The following ZNF140 variants were observed in gnomAD, a reference collection of about 807,000 sequenced individuals.
ZNF140 encodes zinc finger protein 140, also known as zinc finger protein 140 (clone pHZ-39).
Under a neutral mutation model 12.9 loss-of-function variants are expected in ZNF140, and 13 were observed. That is an observed-to-expected ratio of 1.01 (90% CI 0.66 to 1.60). The LOEUF is 1.60. ZNF140 is among the 40% of genes most tolerant of loss of function. The probability of loss-of-function intolerance (pLI) is 0.00; values close to 1 mark genes in which losing one functional copy is unlikely to be tolerated. For missense variants in ZNF140, 531 were observed against 548.8 expected, an observed-to-expected ratio of 0.97 and a Z score of 0.32; for synonymous variants, 214 against 186.7, an observed-to-expected ratio of 1.15 and a Z score of -1.19.
chr12:133,103,158 G>A (rs1463508298), intron 4 of ZNF140, among the ~76,000 whole-genome samples: 1 of 151,338 alleles, frequency 6.6e-6, no homozygotes, highest in Non-Finnish European at 1.5e-5. Flanking sequence ...CATTTCAAAT[G>A]TGTATCATTT....
At chr12:133,097,133 G>A (rs1426900766) in intron 4 of ZNF140, among the ~76,000 whole-genome samples, 1 of 152,152 alleles carries the variant, frequency 6.6e-6, no homozygotes, top group Non-Finnish European at 1.5e-5. Context: ...TTGCTCTGAA[G>A]TCTGCTGTGT....
chr12:133,088,616 C>T (rs1203482602), intron 4 of ZNF140, among the ~76,000 whole-genome samples: 3 of 152,158 alleles, frequency 2.0e-5, no homozygotes, highest in African/African-American at 7.2e-5. Flanking sequence ...TGGGTAAATA[C>T]CAAGGAGTGT....
chr12:133,102,251 A>C (rs1019084330), intron 4 of ZNF140, among the ~76,000 whole-genome samples: 3 of 152,142 alleles, frequency 2.0e-5, no homozygotes, highest in Non-Finnish European at 4.4e-5. Context: ...AGATCCTTGT[A>C]AGTCAGACTG....
At position 133,080,928 on chromosome 12, in the gene ZNF140, G is replaced by C. The variant is rs748580740; in HGVS notation, c.-193G>C. On this transcript the variant is annotated 5_prime_UTR_variant, in exon 1 of 5. Transcript: ENST00000355557. ...CCTGGGGGGCGGCGCCGAGCGTCTG[G>C]CCTGTGTTGGCTGTAGGCAACGAAA... The C allele has an allele frequency of 1.6e-4, 24 of 154,200 alleles. No individual in the cohort carries two copies. Among genetic ancestry groups the C allele is most frequent in the Non-Finnish European group, 2.5e-4 (17 of 69,026 alleles). The allele number at this position is 154,200 out of a possible 1,614,324, so 9.6% of individuals were successfully genotyped here. A position where few individuals can be genotyped will look rare whatever the true frequency, so the allele number is the denominator to read the frequency against.
chr12:133,093,809 T>C (rs1176388875), intron 4 of ZNF140, among the ~76,000 whole-genome samples: 1 of 150,970 alleles, frequency 6.6e-6, no homozygotes, highest in Non-Finnish European at 1.5e-5. Context: ...CCTCTCTCTC[T>C]CTCTCACACA....
At chr12:133,092,400 C>T (rs1026660182) in intron 4 of ZNF140, among the ~76,000 whole-genome samples, 2 of 151,106 alleles carry the variant, frequency 1.3e-5, no homozygotes, top group African/African-American at 4.9e-5. Flanking sequence ...ATAGTTTGGA[C>T]ATCTGGTTTA....
chr12:133,081,650 G>C (rs1354145813), intron 2 of ZNF140: 11 of 447,502 alleles, frequency 2.5e-5, no homozygotes, highest in South Asian at 1.7e-4. Flanking sequence ...AGAGTGACAG[G>C]AAGCTATCCA....
intron 4 of ZNF140, among the ~76,000 whole-genome samples, chr12:133,090,860 A>AC: frequency 7.6e-6 from 1 of 131,934 alleles, no homozygotes; most frequent in South Asian, 2.5e-4. Context: ...ATGTGCATGT[A>AC]ATCCAGATTT....
In ZNF140 at chr12:133,095,923, T is replaced by A. The variant is rs1030325416; in HGVS notation, c.233-9587T>A. Among the ~76,000 whole-genome samples, 13 of 151,962 alleles carry A rather than the reference T, an allele frequency of 8.6e-5. No homozygotes were observed. The East Asian group carries it at 2.3e-3, about 27-fold the overall frequency. On this transcript the variant is annotated intron_variant, in intron 4 of 4. Coordinates refer to ENST00000355557, the MANE Select transcript of ZNF140 (RefSeq NM_003440.4). ...TGCTACTATCTCAGAATTGAACAAA[T>A]GTACAATCGGGTTTTATACCGAGAC...
intron 2 of ZNF140, 44 bp downstream of exon 2, chr12:133,081,373 A>AAAAT (rs1555291988): frequency 3.0e-5 from 7 of 229,828 alleles, no homozygotes; most frequent in Admixed American, 7.4e-5. Context: ...ATATATATAA[A>AAAAT]TTTTTATTTT....
At chr12:133,098,197 G>A (rs1955209892) in intron 4 of ZNF140, among the ~76,000 whole-genome samples, 1 of 152,006 alleles carries the variant, frequency 6.6e-6, no homozygotes, top group Admixed American at 6.6e-5. Context: ...TTAGCATATT[G>A]ATTATACTTC....
At chr12:133,089,565 T>C (rs1462287684) in intron 4 of ZNF140, among the ~76,000 whole-genome samples, 1 of 152,116 alleles carries the variant, frequency 6.6e-6, no homozygotes, top group Non-Finnish European at 1.5e-5. Flanking sequence ...TTCCTCCTTA[T>C]TGTGTGAGCT....
chr12:133,105,947 A>C lies in ZNF140; in HGVS notation c.670A>C (p.Lys224Gln), dbSNP rs1311116370. 6.2e-7 allele frequency: 1 copy of C among 1,614,068 alleles called. No individual in the cohort carries two copies. Among genetic ancestry groups the C allele is most frequent in the African/African-American group, 1.3e-5 (1 of 74,956 alleles). Residue 224 changes from lysine (K) to glutamine (Q), a missense_variant, in exon 5 of 5, where the codon AAA becomes CAA. Lys to Gln is a moderately conservative substitution (Grantham distance 53). Transcript: ENST00000355557. ...ACCCCATGAGTGTAAGGACTGTAAT[A>C]AAACATTCAGTTACCTTTCATTTCT... Reference protein sequence around the residue: ...KKPHECKDCNKTFSYLSFLIE... With the variant: ...KKPHECKDCNQTFSYLSFLIE...
In ZNF140 at chr12:133,107,424, A is replaced by G. The variant is rs919911070; in HGVS notation, c.*773A>G. ...TTATAAATAAATCTTTTGGTTTATT[A>G]TAAACCTTCTGCTTGCTGATTTTTT... On this transcript the variant is annotated 3_prime_UTR_variant, in exon 5 of 5. Transcript: ENST00000355557. The G allele has an allele frequency of 6.6e-6, 1 of 152,196 alleles. No individual in the cohort carries two copies. Among genetic ancestry groups the G allele is most frequent in the African/African-American group, 2.4e-5 (1 of 41,458 alleles). The allele number at this position is 152,196 out of a possible 1,614,324, so 9.4% of individuals were successfully genotyped here.
chr12:133,104,187 A>C (rs1955478642), intron 4 of ZNF140, among the ~76,000 whole-genome samples: 1 of 152,232 alleles, frequency 6.6e-6, no homozygotes, highest in Non-Finnish European at 1.5e-5. Context: ...AAGTTATAAG[A>C]ATAGTACAAA....
At chr12:133,092,089 A>T (rs963675495) in intron 4 of ZNF140, among the ~76,000 whole-genome samples, 1 of 151,236 alleles carries the variant, frequency 6.6e-6, no homozygotes, top group Non-Finnish European at 1.5e-5. Flanking sequence ...TCTTTTGCCA[A>T]TTATTCACAT....
chr12:133,102,791 C>T (rs371245960), intron 4 of ZNF140, among the ~76,000 whole-genome samples: 2,386 of 151,176 alleles, frequency 0.016, 50 homozygotes, highest in African/African-American at 0.054. Context: ...TATCTATAGG[C>T]TTTTAATAAG....
chr12:133,084,669 G>T (rs1954616591), intron 4 of ZNF140, among the ~76,000 whole-genome samples: 1 of 152,210 alleles, frequency 6.6e-6, no homozygotes, highest in Non-Finnish European at 1.5e-5. Flanking sequence ...TATAGCACAT[G>T]TTTAATGGAG....
At position 133,083,228 on chromosome 12, in the gene ZNF140, G is replaced by T. The variant is rs1280768734; in HGVS notation, c.135G>T (p.Leu45=). The change falls in exon 3 of 5, where the codon CTG becomes CTT. Residue 45 remains leucine (L), a splice_region_variant and synonymous_variant. Transcript: ENST00000355557. ...AGAACTATGGCCATCTGGTCTCACTGGGTAAGTATTCTTCTTCATCTCCCT... is the reference window on the plus strand; with the variant it reads ...AGAACTATGGCCATCTGGTCTCACTTGGTAAGTATTCTTCTTCATCTCCCT... ...MLENYGHLVS[L]GLSISKPDVV... 34 of 1,609,644 alleles carry T rather than the reference G, an allele frequency of 2.1e-5. 1 individual carries two copies. The East Asian group carries it at 7.6e-4, about 36-fold the overall frequency.
Sources: allele counts gnomAD v4.1 joint callset (sites outside exome capture counted in the v4.1 genomes callset), GRCh38; gene constraint gnomAD v4.1.1; transcripts MANE v1.5; gene names NCBI Gene and HGNC (gene_info 2026-07-23, HGNC 2026-07-21).